CHRNB3: variants seen among roughly 807,000 people sequenced by gnomAD.
CHRNB3 encodes neuronal acetylcholine receptor subunit beta-3.
In CHRNB3, 37 loss-of-function variants were observed where a neutral mutation model predicts 40.6. The ratio of observed to expected loss-of-function variants is 0.91; its 90% CI spans 0.70 to 1.20. CHRNB3 has a LOEUF of 1.20. Among genes scored for constraint, CHRNB3 ranks in the 50% most tolerant of loss-of-function variants. The pLI, the probability that CHRNB3 is intolerant of heterozygous loss-of-function variation, is 0.00. For missense variants in CHRNB3, 505 were observed against 551.2 expected (o/e 0.92, Z 0.84); for synonymous variants, 207 against 207.1 (o/e 1.00, Z 0.00).
chr8:42,730,815 G>A (rs1040340229), intron 4 of CHRNB3, 112 bp downstream of exon 4: 10 of 516,450 alleles, frequency 1.9e-5, no homozygotes, highest in Non-Finnish European at 3.0e-5. Context: ...TTGGGAGGCC[G>A]AGGCGGGTGG....
At chr8:42,716,804 T>G (rs575865256) in intron 3 of CHRNB3, among the ~76,000 whole-genome samples, 4 of 152,200 alleles carry the variant, frequency 2.6e-5, no homozygotes, top group African/African-American at 9.6e-5. Context: ...AGTTTCACCT[T>G]CTGCCTCATA....
intron 3 of CHRNB3, chr8:42,725,742 C>CT: frequency 1.1e-6 from 1 of 921,268 alleles, no homozygotes; most frequent in Non-Finnish European, 1.8e-6. Flanking sequence ...GAGGGATGGT[C>CT]TTATTCGTGA....
chr8:42,707,244 G>A (rs1815936087), intron 1 of CHRNB3, among the ~76,000 whole-genome samples: 1 of 152,238 alleles, frequency 6.6e-6, no homozygotes, highest in Non-Finnish European at 1.5e-5. Flanking sequence ...GCCTACAGAA[G>A]CCTCCTGCAC....
intron 3 of CHRNB3, among the ~76,000 whole-genome samples, chr8:42,719,504 A>G (rs1586402167): frequency 1.3e-5 from 2 of 152,130 alleles, no homozygotes; most frequent in Non-Finnish European, 2.9e-5. Context: ...AAAATTAGCC[A>G]GGCATGGTGG....
At chr8:42,724,359 G>C (rs1586405430) in intron 3 of CHRNB3, among the ~76,000 whole-genome samples, 1 of 152,112 alleles carries the variant, frequency 6.6e-6, no homozygotes, top group East Asian at 1.9e-4. Context: ...TCAAGAACAA[G>C]GCAAGGATAT....
chr8:42,722,822 C>G (rs1157218267), intron 3 of CHRNB3, among the ~76,000 whole-genome samples: 2 of 152,130 alleles, frequency 1.3e-5, no homozygotes, highest in Admixed American at 1.3e-4. Context: ...CCTGCCTCAG[C>G]CTTCCAGAGT....
chr8:42,703,435 A>AAAAAAATATATAT lies in CHRNB3; in HGVS notation c.53-5281_53-5280insAAAAATATATATA. Among the ~76,000 whole-genome samples the AAAAAAATATATAT allele has an allele frequency of 1.5e-3, 71 of 47,382 alleles. 9 individuals carry two copies. The highest frequency in any genetic ancestry group is 4.6e-3 in the East Asian group (4 of 878). 31.1% of individuals were successfully genotyped at this position (47,382 alleles called of 152,430 possible). On this transcript the variant is annotated intron_variant, in intron 1 of 5. Transcript: ENST00000289957. ...CAAGACTTCGTCTAAAAAAAAAAAA[A>AAAAAAATATATAT]ATATTTATATATATATATATATATA... is the stretch of plus-strand genomic sequence containing the variant.
intron 3 of CHRNB3, among the ~76,000 whole-genome samples, chr8:42,720,111 CTTTTTTTTT>C (rs869178430): frequency 8.2e-5 from 4 of 48,748 alleles, no homozygotes; most frequent in Non-Finnish European, 1.1e-4. Context: ...CAGAAGCCTT[CTTTTTTTTT>C]TTTTTTTTTT....
intron 3 of CHRNB3, among the ~76,000 whole-genome samples, chr8:42,727,595 A>G (rs568140735): frequency 6.6e-6 from 1 of 152,246 alleles, no homozygotes; most frequent in African/African-American, 2.4e-5. Flanking sequence ...GCACCTTTAT[A>G]AAAGATTAAT....
At chr8:42,720,111 C>CTTTTT (rs869178430) in intron 3 of CHRNB3, among the ~76,000 whole-genome samples, 604 of 48,822 alleles carry the variant, frequency 0.012, 109 homozygotes, top group African/African-American at 0.015. Context: ...CAGAAGCCTT[C>CTTTTT]TTTTTTTTTT....
At chr8:42,725,584 T>G in intron 3 of CHRNB3, 1 of 1,070,018 alleles carries the variant, frequency 9.3e-7, no homozygotes, top group East Asian at 2.4e-5. Flanking sequence ...GCATTCACCC[T>G]GATAGCCAGG....
At chr8:42,731,024 C>G (rs11986606) in intron 4 of CHRNB3, among the ~76,000 whole-genome samples, 1 of 133,086 alleles carries the variant, frequency 7.5e-6, no homozygotes. Flanking sequence ...GTCCGCAGTC[C>G]GGCCTGGGCG....
chr8:42,732,722 T>C (rs1816452811), intron 5 of CHRNB3, among the ~76,000 whole-genome samples, 173 bp downstream of exon 5: 1 of 152,188 alleles, frequency 6.6e-6, no homozygotes, highest in African/African-American at 2.4e-5. Flanking sequence ...GCGACATTAG[T>C]ATGAATTTTT....
At chr8:42,720,461 T>C (rs1408544039) in intron 3 of CHRNB3, among the ~76,000 whole-genome samples, 3 of 152,080 alleles carry the variant, frequency 2.0e-5, no homozygotes, top group African/African-American at 7.2e-5. Context: ...GTCGTCTCCA[T>C]GGAAATGCCT....
At chr8:42,724,255 A>T (rs1249811418) in intron 3 of CHRNB3, among the ~76,000 whole-genome samples, 2 of 152,134 alleles carry the variant, frequency 1.3e-5, no homozygotes, top group African/African-American at 4.8e-5. Context: ...TAATAGAAGG[A>T]ATCCTCCTTA....
chr8:42,711,880 C>A (rs1816021730), intron 3 of CHRNB3, among the ~76,000 whole-genome samples: 1 of 151,990 alleles, frequency 6.6e-6, no homozygotes. Flanking sequence ...CTTTTGGAGT[C>A]CCCAGTGTGT....
At chr8:42,700,572 G>A (rs536753287) in intron 1 of CHRNB3, among the ~76,000 whole-genome samples, 2 of 152,142 alleles carry the variant, frequency 1.3e-5, no homozygotes, top group East Asian at 3.9e-4. Flanking sequence ...CACCCGCTCC[G>A]GCCTCCCAAA....
rs185893993 is a variant in CHRNB3, at chr8:42,717,503, T to G, written c.249+7069T>G. ...ACCTGGAATGGCACTTACAAGTTCA[T>G]GAATTCATCTCAGATCTTTACTCAT... On this transcript the variant is annotated intron_variant, in intron 3 of 5. Coordinates refer to ENST00000289957, the MANE Select transcript of CHRNB3 (RefSeq NM_000749.5). Among the ~76,000 whole-genome samples the G allele has an allele frequency of 4.9e-3, 745 of 151,212 alleles. 11 individuals carry two copies. The highest frequency in any genetic ancestry group is 0.017 in the African/African-American group (719 of 41,228).
chr8:42,702,856 C>A (rs546260510), intron 1 of CHRNB3, among the ~76,000 whole-genome samples: 38 of 152,248 alleles, frequency 2.5e-4, no homozygotes, highest in African/African-American at 8.9e-4. Context: ...AGCAAAACAT[C>A]AAAAATAGCA....
Sources: gnomAD v4.1 joint callset for allele counts (sites outside exome capture counted in the v4.1 genomes callset) on GRCh38, gnomAD v4.1.1 for gene constraint, MANE v1.5 for transcripts, NCBI Gene and HGNC (gene_info 2026-07-23, HGNC 2026-07-21) for gene names.